CCSER1: variants seen among roughly 807,000 people sequenced by gnomAD.
The protein encoded by CCSER1 is serine-rich coiled-coil domain-containing protein 1.
CCSER1 carries 41 observed loss-of-function variants against 82.0 expected under a neutral mutation model. That is an observed-to-expected ratio of 0.50 (90% CI 0.39 to 0.65). The LOEUF is 0.65. Ranked by LOEUF, CCSER1 falls within the 30% of genes least tolerant of loss-of-function variation. The pLI, the probability that CCSER1 is intolerant of heterozygous loss-of-function variation, is 0.00. For synonymous variants in CCSER1, 414 were observed against 383.9 expected, an observed-to-expected ratio of 1.08 and a Z score of -0.92; for missense variants, 1,119 against 1,064.2, an observed-to-expected ratio of 1.05 and a Z score of -0.72.
intron 10 of CCSER1, among the ~76,000 whole-genome samples, chr4:91,439,299 A>C (rs1265940867): frequency 2.6e-5 from 4 of 152,236 alleles, no homozygotes; most frequent in African/African-American, 9.6e-5. Context: ...GAAACTCTAC[A>C]AGCCAGAAGA....
intron 9 of CCSER1, among the ~76,000 whole-genome samples, chr4:91,078,885 G>T (rs1561528726): frequency 6.6e-6 from 1 of 151,390 alleles, no homozygotes; most frequent in Non-Finnish European, 1.5e-5. Flanking sequence ...TAGAGAAAAA[G>T]TAAAAAGAAA....
chr4:90,498,302 A>G (rs1445840052), intron 5 of CCSER1, among the ~76,000 whole-genome samples: 2 of 152,202 alleles, frequency 1.3e-5, no homozygotes, highest in Admixed American at 1.3e-4. Flanking sequence ...CTCTCTTTCA[A>G]AATATCTTAT....
At chr4:91,520,575 T>G (rs1760404696) in intron 10 of CCSER1, among the ~76,000 whole-genome samples, 1 of 152,198 alleles carries the variant, frequency 6.6e-6, no homozygotes, top group Admixed American at 6.5e-5. Flanking sequence ...ACACATTTTT[T>G]ACTGTGTTTT....
chr4:90,444,998 C>A (rs942664886), intron 4 of CCSER1, among the ~76,000 whole-genome samples: 1 of 151,956 alleles, frequency 6.6e-6, no homozygotes, highest in Non-Finnish European at 1.5e-5. Context: ...AAGCTGATCA[C>A]TGACTAGTAG....
rs571046492 is a variant in CCSER1 at position 90,589,488 on chromosome 4, A to AG, written c.1725-38536dup. ...ATTTTTATGATTTACAAAAATCTGG[A>AG]GAAAAAACAGGGCAAAAATAACAGA... is the stretch of plus-strand genomic sequence containing the variant. On this transcript the variant is annotated intron_variant, in intron 5 of 10. Transcript: ENST00000509176. Among the ~76,000 whole-genome samples the AG allele has an allele frequency of 1.5e-4, 23 of 152,234 alleles. No individual in the cohort carries two copies. In the South Asian group the frequency reaches 4.6e-3, roughly 30 times the overall value.
At chr4:90,570,827 C>T (rs1425503035) in intron 5 of CCSER1, among the ~76,000 whole-genome samples, 1 of 152,082 alleles carries the variant, frequency 6.6e-6, no homozygotes, top group Non-Finnish European at 1.5e-5. Context: ...ATCTACTGGA[C>T]TGACACTTGA....
chr4:91,297,000 T>C (rs1312229580), intron 10 of CCSER1, among the ~76,000 whole-genome samples: 1 of 151,788 alleles, frequency 6.6e-6, no homozygotes, highest in Admixed American at 6.6e-5. Context: ...GACAAGATAT[T>C]GCCAGCAATC....
chr4:90,972,101 C>T (rs906564629), intron 9 of CCSER1, among the ~76,000 whole-genome samples: 3 of 151,730 alleles, frequency 2.0e-5, no homozygotes, highest in Non-Finnish European at 2.9e-5. Context: ...TCTACTCTTA[C>T]CACTTCTATT....
intron 10 of CCSER1, among the ~76,000 whole-genome samples, chr4:91,487,059 C>A (rs2110060814): frequency 6.6e-6 from 1 of 151,890 alleles, no homozygotes; most frequent in East Asian, 1.9e-4. Flanking sequence ...GGCATATAGG[C>A]CATTATTAAA....
chr4:90,153,858 T>C (rs1727428826), intron 1 of CCSER1, among the ~76,000 whole-genome samples: 1 of 152,208 alleles, frequency 6.6e-6, no homozygotes, highest in Admixed American at 6.5e-5. Context: ...TGGTAGTTTC[T>C]TTTGCTGTGC....
Position 90,751,454 on chromosome 4 carries a change from T to A in CCSER1, c.2010+27463T>A, listed in dbSNP as rs548628386. Among the ~76,000 whole-genome samples, 7 of 152,218 alleles carry A rather than the reference T, an allele frequency of 4.6e-5. No individual in the cohort carries two copies. In the South Asian group the frequency reaches 1.4e-3, roughly 31 times the overall value. ...AGTAATTATAATTTTGTCCTAACAC[T>A]GTGTAACATATGGTGTTTACATTCT... is the stretch of plus-strand genomic sequence containing the variant. On this transcript the variant is annotated intron_variant, in intron 7 of 10. Coordinates refer to ENST00000509176, the MANE Select transcript of CCSER1 (RefSeq NM_001145065.2).
chr4:90,937,720 C>T (rs1436421411), intron 9 of CCSER1, among the ~76,000 whole-genome samples: 2 of 152,068 alleles, frequency 1.3e-5, no homozygotes, highest in African/African-American at 4.8e-5. Context: ...TTCTTTTTAA[C>T]CATTTCATCT....
intron 10 of CCSER1, among the ~76,000 whole-genome samples, chr4:91,174,263 A>G (rs1733073638): frequency 1.3e-5 from 2 of 152,048 alleles, no homozygotes; most frequent in African/African-American, 4.8e-5. Context: ...TTTGAAGGCT[A>G]TGCTCCTCAT....
At chr4:90,292,652 G>A (rs1731133008) in intron 1 of CCSER1, among the ~76,000 whole-genome samples, 2 of 151,650 alleles carry the variant, frequency 1.3e-5, no homozygotes, top group African/African-American at 4.8e-5. Flanking sequence ...TTATATAGGA[G>A]ACACCTATAA....
chr4:90,811,199 C>A (rs1452196355), intron 7 of CCSER1, among the ~76,000 whole-genome samples: 1 of 151,910 alleles, frequency 6.6e-6, no homozygotes, highest in African/African-American at 2.4e-5. Flanking sequence ...AAGGATACAA[C>A]GGGTAGAAGG....
chr4:90,851,231 C>A (rs983916778), intron 8 of CCSER1, among the ~76,000 whole-genome samples: 2 of 152,146 alleles, frequency 1.3e-5, no homozygotes, highest in East Asian at 3.8e-4. Flanking sequence ...GACTAATACA[C>A]CCCAGTCCGA....
chr4:91,002,555 C>A (rs746172904), intron 9 of CCSER1, among the ~76,000 whole-genome samples: 2 of 152,092 alleles, frequency 1.3e-5, no homozygotes, highest in Non-Finnish European at 2.9e-5. Context: ...ATTTCCAGAG[C>A]ATTTTGCATT....
At position 90,227,746 on chromosome 4, in the gene CCSER1, C is replaced by T. The variant is rs545378118; in HGVS notation, c.-41-80498C>T. Among the ~76,000 whole-genome samples the T allele has an allele frequency of 1.8e-4, 28 of 152,194 alleles. No individual in the cohort carries two copies. The South Asian group carries it at 2.1e-3, about 11-fold the overall frequency. On this transcript the variant is annotated intron_variant, in intron 1 of 10. Coordinates refer to ENST00000509176, the MANE Select transcript of CCSER1 (RefSeq NM_001145065.2). ...TCACTAGGGAGTGCCAGACAGTGGG[C>T]GCAAGTCAATGGGTGCGCGCACCAT...
chr4:90,218,756 C>T (rs920827485), intron 1 of CCSER1, among the ~76,000 whole-genome samples: 11 of 152,092 alleles, frequency 7.2e-5, no homozygotes, highest in Admixed American at 6.5e-4. Flanking sequence ...TGTGGTGACT[C>T]ATGCCTGTAA....
Sources: allele counts gnomAD v4.1 joint callset (sites outside exome capture counted in the v4.1 genomes callset), GRCh38; gene constraint gnomAD v4.1.1; transcripts MANE v1.5; gene names NCBI Gene and HGNC (gene_info 2026-07-23, HGNC 2026-07-21).